The following MORN1 variants were observed in gnomAD, a reference collection of about 807,000 sequenced individuals.
MORN1 encodes the protein MORN repeat-containing protein 1.
MORN1 carries 67 observed loss-of-function variants against 61.9 expected under a neutral mutation model. The observed-to-expected ratio is 1.08, with a 90% CI of 0.89 to 1.33. MORN1 has a LOEUF of 1.33. Among genes scored for constraint, MORN1 ranks in the 40% most tolerant of loss-of-function variants. The probability of loss-of-function intolerance (pLI) is 0.00; values close to 1 mark genes in which losing one functional copy is unlikely to be tolerated. For missense variants in MORN1, 752 were observed against 691.2 expected (o/e 1.09, Z -0.99); for synonymous variants, 301 against 292.0 (o/e 1.03, Z -0.31).
chr1:2,374,883 C>G (rs1642200759), intron 6 of MORN1: 1 of 282,574 alleles, frequency 3.5e-6, no homozygotes, highest in Non-Finnish European at 6.8e-6. Flanking sequence ...CCTTTTAATA[C>G]AAAGATATTG....
chr1:2,361,775 C>A (rs1641895670), intron 8 of MORN1, among the ~76,000 whole-genome samples: 1 of 152,164 alleles, frequency 6.6e-6, no homozygotes, highest in African/African-American at 2.4e-5. Context: ...ATCCACATGT[C>A]AATTCCGACT....
intron 6 of MORN1, 32 bp from the exon 7 acceptor site, chr1:2,374,589 G>A (rs1413037489): frequency 6.4e-6 from 10 of 1,553,718 alleles, no homozygotes; most frequent in Non-Finnish European, 8.7e-6. Context: ...TCAGGCTGGT[G>A]GCTCCCAAGG....
At chr1:2,358,016 G>A (rs1047285907) in intron 9 of MORN1, among the ~76,000 whole-genome samples, 1 of 152,188 alleles carries the variant, frequency 6.6e-6, no homozygotes, top group Non-Finnish European at 1.5e-5. Flanking sequence ...GCACTGCTAA[G>A]TTCTGACTGT....
At chr1:2,331,630 C>T (rs1383938139) in intron 12 of MORN1, among the ~76,000 whole-genome samples, 7 of 152,312 alleles carry the variant, frequency 4.6e-5, no homozygotes, top group South Asian at 4.1e-4. Context: ...CCATGAAACC[C>T]GGGCTTCCCT....
At chr1:2,382,564 G>A (rs1004658130) in intron 6 of MORN1, among the ~76,000 whole-genome samples, 1 of 152,196 alleles carries the variant, frequency 6.6e-6, no homozygotes, top group African/African-American at 2.4e-5. Flanking sequence ...GGTGTGCTCG[G>A]GTGGGAAGGG....
chr1:2,355,523 G>T, intron 10 of MORN1: 1 of 1,542,516 alleles, frequency 6.5e-7, no homozygotes, highest in Non-Finnish European at 8.8e-7. Flanking sequence ...CCAGCTGGGT[G>T]AGGTTTCTGG....
intron 8 of MORN1, among the ~76,000 whole-genome samples, chr1:2,365,341 C>T (rs1043699294): frequency 3.5e-5 from 5 of 143,348 alleles, no homozygotes; most frequent in African/African-American, 1.0e-4. Flanking sequence ...TGGGAGTTCA[C>T]TCATGATTTG....
intron 10 of MORN1, among the ~76,000 whole-genome samples, chr1:2,342,432 G>T (rs1641414230): frequency 1.3e-5 from 2 of 152,242 alleles, no homozygotes; most frequent in African/African-American, 4.8e-5. Flanking sequence ...AACGTTATTG[G>T]CCCTAAGGGG....
chr1:2,351,960 C>T (rs1387452011), intron 10 of MORN1: 26 of 521,606 alleles, frequency 5.0e-5, no homozygotes, highest in Non-Finnish European at 5.2e-5. Context: ...TCCCTCTGCT[C>T]GAGGGACACC....
chr1:2,349,404 C>T (rs1384134126), intron 10 of MORN1, among the ~76,000 whole-genome samples: 1 of 152,210 alleles, frequency 6.6e-6, no homozygotes, highest in Non-Finnish European at 1.5e-5. Flanking sequence ...CTCCCAGTCC[C>T]GGCCCCTCTG....
intron 12 of MORN1, among the ~76,000 whole-genome samples, chr1:2,330,177 G>A (rs1001333460): frequency 6.6e-5 from 10 of 152,194 alleles, no homozygotes; most frequent in Non-Finnish European, 1.3e-4. Context: ...GGCCAGGCCT[G>A]CCCCTAACTG....
chr1:2,354,762 T>C (rs572174752), intron 10 of MORN1, among the ~76,000 whole-genome samples: 1 of 152,302 alleles, frequency 6.6e-6, no homozygotes, highest in East Asian at 1.9e-4. Flanking sequence ...ATGAGGAAAC[T>C]GAGGCACAGA....
chr1:2,381,981 T>C (rs1557892186), intron 6 of MORN1, among the ~76,000 whole-genome samples: 3 of 152,134 alleles, frequency 2.0e-5, no homozygotes, highest in African/African-American at 7.2e-5. Flanking sequence ...GCGCCGTCCC[T>C]TGCCTGGTCC....
chr1:2,324,487 G>A (rs1205096944), intron 12 of MORN1, among the ~76,000 whole-genome samples: 1 of 152,220 alleles, frequency 6.6e-6, no homozygotes, highest in African/African-American at 2.4e-5. Flanking sequence ...AGAAGATCCC[G>A]GAGGGCGGGA....
chr1:2,349,723 A>G (rs1641605156), intron 10 of MORN1, among the ~76,000 whole-genome samples: 1 of 152,228 alleles, frequency 6.6e-6, no homozygotes, highest in African/African-American at 2.4e-5. Context: ...TTTTACGGGC[A>G]AGATTGAATT....
At chr1:2,361,115 T>C (rs115851426) in intron 8 of MORN1, among the ~76,000 whole-genome samples, 1,791 of 152,298 alleles carry the variant, frequency 0.012, 37 homozygotes, top group African/African-American at 0.041. Context: ...TGCAGGAAAG[T>C]ATGGCCCATA....
At chr1:2,390,083 T>G (rs1642609273) in intron 1 of MORN1, 87 bp from the exon 2 acceptor site, 2 of 1,272,108 alleles carry the variant, frequency 1.6e-6, no homozygotes, top group African/African-American at 2.9e-5. Flanking sequence ...TGCAGCTCCC[T>G]TGAGGGCCTT....
chr1:2,336,675 G>A (rs779596827), intron 11 of MORN1, 42 bp downstream of exon 11: 1 of 1,556,428 alleles, frequency 6.4e-7, no homozygotes, highest in East Asian at 2.3e-5. Flanking sequence ...GGGATAGTCT[G>A]AGTGATGTGG....
chr1:2,372,546 A>G lies in MORN1; in HGVS notation c.680T>C (p.Val227Ala). 13 of 1,612,530 alleles carry G rather than the reference A, an allele frequency of 8.1e-6. No individual in the cohort carries two copies. The highest frequency in any genetic ancestry group is 9.3e-6 in the Non-Finnish European group (11 of 1,179,726). ...IVILGPEVME[V>A]AQGSPFSVNV... Reference sequence around the variant, plus strand: ...CACCGAGAAGGGAGACCCTTGGGCCACTTCCATCACCTCCGGACCCAAGAT... The same window carrying G: ...CACCGAGAAGGGAGACCCTTGGGCCGCTTCCATCACCTCCGGACCCAAGAT... Residue 227 changes from valine to alanine, a missense_variant, in exon 8 of 14, where the codon GTG becomes GCG. Val to Ala is a moderately conservative substitution (Grantham distance 64). Coordinates refer to ENST00000378531, the MANE Select transcript of MORN1 (RefSeq NM_024848.3). The surrounding 1 kb of genome is among the most constrained non-coding windows in gnomAD (Gnocchi z 5.4).
Sources: gnomAD v4.1 joint callset for allele counts (sites outside exome capture counted in the v4.1 genomes callset) on GRCh38, gnomAD v4.1.1 for gene constraint, Gnocchi (gnomAD v3.1) non-coding constraint, MANE v1.5 for transcripts, NCBI Gene and HGNC (gene_info 2026-07-23, HGNC 2026-07-21) for gene names.